TMA16: variants seen among roughly 807,000 people sequenced by gnomAD.
TMA16 encodes translation machinery-associated protein 16.
A neutral mutation model predicts 27.1 loss-of-function variants in TMA16; 26 were observed. The ratio of observed to expected loss-of-function variants is 0.96; its 90% CI spans 0.70 to 1.33. The LOEUF (loss-of-function observed/expected upper bound fraction) is 1.33, where lower values mean the gene tolerates loss of function less well. Among genes scored for constraint, TMA16 ranks in the 40% most tolerant of loss-of-function variants. The probability of loss-of-function intolerance (pLI) is 0.00; values close to 1 mark genes in which losing one functional copy is unlikely to be tolerated. For missense variants in TMA16, 233 were observed against 241.4 expected (o/e 0.97, Z 0.23); for synonymous variants, 71 against 81.9 (o/e 0.87, Z 0.72).
At chr4:163,516,704 T>TA (rs1358280411) in intron 5 of TMA16, among the ~76,000 whole-genome samples, 1 of 152,208 alleles carries the variant, frequency 6.6e-6, no homozygotes, top group African/African-American at 2.4e-5. Context: ...TGGTTTTTAT[T>TA]AAAAATGGAT....
intron 6 of TMA16, 92 bp from the exon 7 acceptor site, chr4:163,519,242 T>C (rs895287335): frequency 8.8e-7 from 1 of 1,139,904 alleles, no homozygotes; most frequent in African/African-American, 1.6e-5. Flanking sequence ...ATATGTAGGA[T>C]CCTCAGAGTT....
intron 1 of TMA16, among the ~76,000 whole-genome samples, chr4:163,500,018 T>A (rs1462215843): frequency 6.6e-6 from 1 of 152,170 alleles, no homozygotes; most frequent in African/African-American, 2.4e-5. Context: ...TTTTTGTGCG[T>A]GTGTGACATC....
intron 6 of TMA16, among the ~76,000 whole-genome samples, chr4:163,518,204 G>A (rs1737913289): frequency 6.6e-6 from 1 of 152,038 alleles, no homozygotes; most frequent in Admixed American, 6.6e-5. Flanking sequence ...CCAATGTTTA[G>A]CTCCTACTTA....
chr4:163,507,123 C>T lies in TMA16; in HGVS notation c.94C>T (p.His32Tyr), dbSNP rs769832838. The T allele has an allele frequency of 1.9e-6, 3 of 1,582,966 alleles. No homozygotes were observed. The highest frequency in any genetic ancestry group is 2.6e-6 in the Non-Finnish European group (3 of 1,163,130). ...AGCAGCTCAAATTACGAGAGAGGCCCACAAACAAGAAAAAAAGGAAAAGTA... is the reference window on the plus strand; with the variant it reads ...AGCAGCTCAAATTACGAGAGAGGCCTACAAACAAGAAAAAAAGGAAAAGTA... ...RKAAQITREA[H>Y]KQEKKEKLKN... is the part of the protein sequence containing the mutation. The change falls in exon 2 of 7, where the codon CAC becomes TAC. Residue 32 changes from histidine (H) to tyrosine (Y), a missense_variant. Transcript: ENST00000358572.
intron 2 of TMA16, among the ~76,000 whole-genome samples, chr4:163,510,539 T>C (rs1737778721): frequency 1.3e-5 from 2 of 152,226 alleles, no homozygotes; most frequent in African/African-American, 4.8e-5. Flanking sequence ...GAGAGACTTA[T>C]CCATGTCATT....
At position 163,519,648 on chromosome 4, in the gene TMA16, C is replaced by T. The variant is rs1480119847; in HGVS notation, c.*134C>T. Reference sequence around the variant, plus strand: ...TATGATGAGAGTTTCATTTGCGTTTCAAAAATGGTGTTATGATACTTATTT... The same window carrying T: ...TATGATGAGAGTTTCATTTGCGTTTTAAAAATGGTGTTATGATACTTATTT... On this transcript the variant is annotated 3_prime_UTR_variant, in exon 7 of 7. Coordinates refer to ENST00000358572, the MANE Select transcript of TMA16 (RefSeq NM_018352.3). 19 of 878,926 alleles carry T rather than the reference C, an allele frequency of 2.2e-5. No individual in the cohort carries two copies. The highest frequency in any genetic ancestry group is 3.2e-5 in the Non-Finnish European group (19 of 601,356). 54.4% of individuals were successfully genotyped at this position (878,926 alleles called of 1,614,324 possible). A position where few individuals can be genotyped will look rare whatever the true frequency, so the allele number is the denominator to read the frequency against.
rs1008408523 is a variant in TMA16 at position 163,520,226 on chromosome 4, T to A, written c.*712T>A. 3.4e-5 allele frequency: 9 copies of A among 265,822 alleles called. No individual in the cohort carries two copies. The highest frequency in any genetic ancestry group is 6.3e-5 in the Non-Finnish European group (9 of 143,994). The allele number at this position is 265,822 out of a possible 1,614,324, so 16.5% of individuals were successfully genotyped here. A position where few individuals can be genotyped will look rare whatever the true frequency, so the allele number is the denominator to read the frequency against. ...TAGGTTTTATTTGTGGAGAGAGAGTTGAAGATTAGGGAACCAGTGATTTTA... is the reference window on the plus strand; with the variant it reads ...TAGGTTTTATTTGTGGAGAGAGAGTAGAAGATTAGGGAACCAGTGATTTTA... On this transcript the variant is annotated 3_prime_UTR_variant, in exon 7 of 7. Transcript: ENST00000358572.
rs1737521572 is a variant in TMA16 at position 163,494,733 on chromosome 4, G to C, written c.-69G>C. The C allele has an allele frequency of 3.7e-6, 6 of 1,610,990 alleles. No individual in the cohort carries two copies. Among genetic ancestry groups the C allele is most frequent in the Admixed American group, 1.7e-5 (1 of 59,962 alleles). On this transcript the variant is annotated 5_prime_UTR_variant, in exon 1 of 7. Transcript: ENST00000358572. ...GGCCCGGGTGCTCTTGTGAGCTGCT[G>C]CTCCTGCGGTTGGTGAGATTACCTG...
intron 2 of TMA16, 110 bp from the exon 3 acceptor site, chr4:163,512,712 G>T: frequency 1.5e-6 from 1 of 658,134 alleles, no homozygotes; most frequent in East Asian, 2.7e-5. Flanking sequence ...GTAAAAGAAT[G>T]ACCTTTTAAT....
intron 2 of TMA16, among the ~76,000 whole-genome samples, chr4:163,509,380 A>G (rs549533000): frequency 6.6e-6 from 1 of 152,356 alleles, no homozygotes; most frequent in Admixed American, 6.5e-5. Flanking sequence ...AGAAATGAAT[A>G]GCAGTTACCA....
chr4:163,512,897 A>T, intron 3 of TMA16, 38 bp downstream of exon 3: 1 of 1,547,920 alleles, frequency 6.5e-7, no homozygotes, highest in Non-Finnish European at 8.8e-7. Context: ...TGGCTAGAGT[A>T]TAGGGCATTT....
intron 2 of TMA16, among the ~76,000 whole-genome samples, chr4:163,508,531 A>G (rs1737748681): frequency 6.6e-6 from 1 of 152,224 alleles, no homozygotes. Context: ...ACTTTTGTAT[A>G]TGTTTGGTGA....
chr4:163,499,921 A>T (rs907441181), intron 1 of TMA16, among the ~76,000 whole-genome samples: 3 of 152,158 alleles, frequency 2.0e-5, no homozygotes, highest in Non-Finnish European at 4.4e-5. Context: ...AGCTCAGCTA[A>T]GCCTTTGTGA....
chr4:163,518,017 C>T (rs1737910967), intron 6 of TMA16, among the ~76,000 whole-genome samples: 1 of 150,918 alleles, frequency 6.6e-6, no homozygotes, highest in African/African-American at 2.4e-5. Context: ...TTCAGAGGTA[C>T]ATGAGTAGGT....
chr4:163,494,965 G>T, intron 1 of TMA16, 161 bp downstream of exon 1: 1 of 1,051,640 alleles, frequency 9.5e-7, no homozygotes, highest in South Asian at 1.5e-5. Flanking sequence ...AAGCCTCTGG[G>T]AGGCGAGTCC....
intron 5 of TMA16, among the ~76,000 whole-genome samples, chr4:163,516,369 T>A (rs113182220): frequency 6.6e-6 from 1 of 152,254 alleles, no homozygotes; most frequent in African/African-American, 2.4e-5. Flanking sequence ...CCCCTCCTTA[T>A]GTGGTGTAAC....
chr4:163,498,733 T>C (rs912522640), intron 1 of TMA16, among the ~76,000 whole-genome samples: 3 of 152,240 alleles, frequency 2.0e-5, no homozygotes, highest in African/African-American at 7.2e-5. Context: ...GGCACACTCA[T>C]AGCTAGCTCG....
chr4:163,500,891 A>G (rs1409192366), intron 1 of TMA16, among the ~76,000 whole-genome samples: 1 of 152,216 alleles, frequency 6.6e-6, no homozygotes, highest in Non-Finnish European at 1.5e-5. Context: ...GTATGCCTGT[A>G]CTATGTGTTA....
chr4:163,512,026 T>A (rs1225886922), intron 2 of TMA16, among the ~76,000 whole-genome samples: 1 of 151,968 alleles, frequency 6.6e-6, no homozygotes, highest in Non-Finnish European at 1.5e-5. Flanking sequence ...TTTTTTTTTT[T>A]AATCCTGAAT....
Sources: allele counts gnomAD v4.1 joint callset (sites outside exome capture counted in the v4.1 genomes callset), GRCh38; gene constraint gnomAD v4.1.1; transcripts MANE v1.5; gene names NCBI Gene and HGNC (gene_info 2026-07-23, HGNC 2026-07-21).